PPP2R3A: variants seen among roughly 807,000 people sequenced by gnomAD.
PPP2R3A encodes the protein protein phosphatase 2 regulatory subunit B''alpha, also known as serine/threonine-protein phosphatase 2A regulatory subunit B'' subunit alpha.
A neutral mutation model predicts 106.9 loss-of-function variants in PPP2R3A; 80 were observed. The ratio of observed to expected loss-of-function variants is 0.75; its 90% confidence interval spans 0.62 to 0.90. The LOEUF is 0.90. PPP2R3A is among the 40% of genes least tolerant of loss of function. The pLI, the probability that PPP2R3A is intolerant of heterozygous loss-of-function variation, is 0.00. For synonymous variants in PPP2R3A, 483 were observed against 468.3 expected (o/e 1.03, Z -0.41); for missense variants, 1,386 against 1,350.4 (o/e 1.03, Z -0.41).
intron 7 of PPP2R3A, among the ~76,000 whole-genome samples, chr3:136,079,644 T>A (rs912128177): frequency 6.6e-6 from 1 of 152,032 alleles, no homozygotes; most frequent in African/African-American, 2.4e-5. Context: ...CCTGACCTCA[T>A]GATCCACCTG....
At chr3:136,079,840 A>G (rs937939781) in intron 7 of PPP2R3A, among the ~76,000 whole-genome samples, 4 of 152,162 alleles carry the variant, frequency 2.6e-5, no homozygotes, top group Admixed American at 2.6e-4. Flanking sequence ...TGAACTGGAA[A>G]AAGAACTCAA....
At chr3:135,993,505 G>A (rs1394790495) in intron 1 of PPP2R3A, among the ~76,000 whole-genome samples, 1 of 152,136 alleles carries the variant, frequency 6.6e-6, no homozygotes. Context: ...AAAGTTAAAT[G>A]TACATTTATC....
chr3:136,120,290 T>G (rs1211173647), intron 13 of PPP2R3A, among the ~76,000 whole-genome samples: 1 of 152,032 alleles, frequency 6.6e-6, no homozygotes, highest in Non-Finnish European at 1.5e-5. Flanking sequence ...GTATAATTTT[T>G]TAAAAAAAAG....
At chr3:136,004,114 T>C (rs1435432732) in intron 2 of PPP2R3A, among the ~76,000 whole-genome samples, 1 of 152,230 alleles carries the variant, frequency 6.6e-6, no homozygotes, top group Admixed American at 6.5e-5. Flanking sequence ...GGGTAAGATT[T>C]GATTCTCCAG....
chr3:135,992,158 T>C (rs1167644353), intron 1 of PPP2R3A, among the ~76,000 whole-genome samples: 1 of 152,196 alleles, frequency 6.6e-6, no homozygotes, highest in African/African-American at 2.4e-5. Flanking sequence ...TGTACACTTT[T>C]GGTATTCTTT....
intron 2 of PPP2R3A, among the ~76,000 whole-genome samples, chr3:136,014,614 A>G (rs560875275): frequency 6.6e-6 from 1 of 151,888 alleles, no homozygotes; most frequent in African/African-American, 2.4e-5. Flanking sequence ...TGAGTTCTTG[A>G]TTTGATTCTC....
chr3:136,144,743 T>G (rs1939036124), intron 13 of PPP2R3A, among the ~76,000 whole-genome samples: 1 of 152,104 alleles, frequency 6.6e-6, no homozygotes, highest in Non-Finnish European at 1.5e-5. Flanking sequence ...GACCTCAAAT[T>G]TTTCTTTACC....
At chr3:136,121,381 TTGA>T (rs1937990702) in intron 13 of PPP2R3A, among the ~76,000 whole-genome samples, 1 of 152,082 alleles carries the variant, frequency 6.6e-6, no homozygotes, top group African/African-American at 2.4e-5. Context: ...GAGCTAAACA[TTGA>T]ATACACATGC....
In PPP2R3A at chr3:136,145,144, T is replaced by A. The variant is rs756983809; in HGVS notation, c.3431T>A (p.Leu1144His). 1.1e-5 allele frequency: 18 copies of A among 1,611,942 alleles called. No individual in the cohort carries two copies. Among genetic ancestry groups the A allele is most frequent in the Admixed American group, 3.4e-5 (2 of 59,466 alleles). Reference sequence around the variant, plus strand: ...AGCCTTCCAGAGAAATGTGGAAAGCTTCAATCAGTGGATGAAGAATAGCTG... The same window carrying A: ...AGCCTTCCAGAGAAATGTGGAAAGCATCAATCAGTGGATGAAGAATAGCTG... Reference protein sequence around the residue: ...SASLPEKCGKLQSVDEE With the variant: ...SASLPEKCGKHQSVDEE The change falls in exon 14 of 14, where the codon CTT (leucine) becomes CAT (histidine). Residue 1144 changes from leucine to histidine, a missense_variant. Physicochemically the swap from Leu to His is moderately conservative, Grantham distance 99. Coordinates refer to ENST00000264977, the MANE Select transcript of PPP2R3A (RefSeq NM_002718.5).
chr3:136,144,557 A>C (rs547733426), intron 13 of PPP2R3A, among the ~76,000 whole-genome samples: 2 of 152,034 alleles, frequency 1.3e-5, no homozygotes, highest in African/African-American at 4.8e-5. Flanking sequence ...GCTACTGAGG[A>C]GGCTGAGGCA....
At chr3:136,135,121 G>A (rs933774334) in intron 13 of PPP2R3A, among the ~76,000 whole-genome samples, 2 of 152,210 alleles carry the variant, frequency 1.3e-5, no homozygotes, top group South Asian at 2.1e-4. Flanking sequence ...GAGGCAGGGG[G>A]TTGCAGACAG....
At chr3:135,968,049 G>A (rs939411105) in intron 1 of PPP2R3A, among the ~76,000 whole-genome samples, 3 of 152,194 alleles carry the variant, frequency 2.0e-5, no homozygotes, top group Non-Finnish European at 4.4e-5. Flanking sequence ...TGAGCAGACT[G>A]CTGCCTTAAC....
chr3:136,055,697 A>G, intron 5 of PPP2R3A: 2 of 834,578 alleles, frequency 2.4e-6, no homozygotes, highest in Non-Finnish European at 3.9e-6. Flanking sequence ...TTGCACCCTA[A>G]GACTCTGGAG....
At chr3:136,125,123 C>G (rs1318849096) in intron 13 of PPP2R3A, among the ~76,000 whole-genome samples, 1 of 152,132 alleles carries the variant, frequency 6.6e-6, no homozygotes, top group Non-Finnish European at 1.5e-5. Flanking sequence ...GAGTTCGAGA[C>G]CAGCCTGACC....
At chr3:136,034,121 C>T (rs1350016549) in intron 3 of PPP2R3A, among the ~76,000 whole-genome samples, 3 of 151,332 alleles carry the variant, frequency 2.0e-5, no homozygotes, top group South Asian at 2.1e-4. Context: ...CTGCAGCCAG[C>T]ACCTCCTGGG....
chr3:136,087,253 C>G (rs1454653043), intron 8 of PPP2R3A, among the ~76,000 whole-genome samples: 3 of 117,848 alleles, frequency 2.5e-5, no homozygotes, highest in Non-Finnish European at 5.0e-5. Context: ...GTGTCTCTCT[C>G]TCTCTCTCTC....
At chr3:136,080,511 A>G (rs367701330) in intron 7 of PPP2R3A, among the ~76,000 whole-genome samples, 12 of 152,212 alleles carry the variant, frequency 7.9e-5, no homozygotes, top group African/African-American at 1.4e-4. Context: ...TTTTATGCCA[A>G]TCCAGTGGGT....
intron 13 of PPP2R3A, among the ~76,000 whole-genome samples, chr3:136,133,148 A>G (rs544864056): frequency 2.0e-5 from 3 of 152,306 alleles, no homozygotes; most frequent in African/African-American, 7.2e-5. Flanking sequence ...TAATTTTTAA[A>G]AATTGATACA....
chr3:136,080,247 G>A (rs1456114595), intron 7 of PPP2R3A, among the ~76,000 whole-genome samples: 1 of 151,828 alleles, frequency 6.6e-6, no homozygotes, highest in Admixed American at 6.6e-5. Context: ...CAATTCCATG[G>A]CTAAAGTGTA....
Sources: gnomAD v4.1 joint callset for allele counts (sites outside exome capture counted in the v4.1 genomes callset) on GRCh38, gnomAD v4.1.1 for gene constraint, MANE v1.5 for transcripts, NCBI Gene and HGNC (gene_info 2026-07-23, HGNC 2026-07-21) for gene names.